The following LRFN5 variants were observed in gnomAD, a reference collection of about 807,000 sequenced individuals.
LRFN5 encodes leucine-rich repeat and fibronectin type-III domain-containing protein 5.
A neutral mutation model predicts 45.6 loss-of-function variants in LRFN5; 24 were observed. That is an observed-to-expected ratio of 0.53 (90% confidence interval 0.38 to 0.74). LRFN5 has a LOEUF of 0.74. Among genes scored for constraint, LRFN5 ranks in the 30% least tolerant of loss-of-function variants. The pLI is 0.00. For synonymous variants in LRFN5, 340 were observed against 313.8 expected (o/e 1.08, Z -0.88); for missense variants, 776 against 861.5 (o/e 0.90, Z 1.24).
intron 1 of LRFN5, among the ~76,000 whole-genome samples, chr14:41,728,641 T>C (rs1448843151): frequency 6.6e-6 from 1 of 152,192 alleles, no homozygotes; most frequent in East Asian, 1.9e-4. Flanking sequence ...CTTTCTCTCC[T>C]AATTCTTTAT....
At chr14:41,841,104 A>G (rs539373928) in intron 2 of LRFN5, among the ~76,000 whole-genome samples, 4 of 152,044 alleles carry the variant, frequency 2.6e-5, no homozygotes, top group East Asian at 3.9e-4. Context: ...TTCTTCTACA[A>G]TAGCAATCAT....
In LRFN5 at chr14:41,879,151, A is replaced by G. The variant is rs533145506; in HGVS notation, c.-20-7455A>G. 3.9e-5 allele frequency among the ~76,000 whole-genome samples: 6 copies of G among 152,252 alleles called. 2 individuals carry two copies. The highest frequency in any genetic ancestry group is 1.4e-4 in the African/African-American group (6 of 41,586). On this transcript the variant is annotated intron_variant, in intron 2 of 5. Transcript: ENST00000298119. ...TCTGTATATATGTTGCCTGATGATAAAAAGTAAATCAAGCTATGAAATAGG... is the reference window on the plus strand; with the variant it reads ...TCTGTATATATGTTGCCTGATGATAGAAAGTAAATCAAGCTATGAAATAGG...
chr14:41,873,261 A>G (rs949533691), intron 2 of LRFN5, among the ~76,000 whole-genome samples: 1 of 152,190 alleles, frequency 6.6e-6, no homozygotes, highest in Non-Finnish European at 1.5e-5. Context: ...CTCAAATCAC[A>G]GAAACACAAT....
chr14:41,631,914 T>A (rs913223878), intron 1 of LRFN5, among the ~76,000 whole-genome samples: 1 of 152,176 alleles, frequency 6.6e-6, no homozygotes, highest in African/African-American at 2.4e-5. Context: ...ATGAAAGAGA[T>A]GAGAAGCCAC....
chr14:41,887,295 A>T lies in LRFN5; in HGVS notation c.670A>T (p.Thr224Ser). The T allele has an allele frequency of 6.2e-7, 1 of 1,614,216 alleles. No individual in the cohort carries two copies. The highest frequency in any genetic ancestry group is 8.5e-7 in the Non-Finnish European group (1 of 1,180,040). ...PLFQRAQVLATSGIISPSTFA... is the reference protein window; with the variant it reads ...PLFQRAQVLASSGIISPSTFA... ...CTTTCAGCGAGCTCAGGTACTAGCA[A>T]CCTCAGGAATCATAAGCCCATCTAC... Residue 224 changes from threonine (T) to serine (S), a missense_variant, in exon 3 of 6, where the codon ACC becomes TCC. Thr to Ser is a moderately conservative substitution (Grantham distance 58). Around this residue, in one of 2 missense-constraint regions of LRFN5, gnomAD observed 311 missense variants for 405.1 expected, o/e 0.77. Coordinates refer to ENST00000298119, the MANE Select transcript of LRFN5 (RefSeq NM_152447.5). The surrounding 1 kb of genome is among the most constrained non-coding windows in gnomAD (Gnocchi z 4.8).
intron 2 of LRFN5, among the ~76,000 whole-genome samples, chr14:41,772,277 G>T (rs74045409): frequency 6.6e-6 from 1 of 152,142 alleles, no homozygotes; most frequent in Non-Finnish European, 1.5e-5. Context: ...TGGGGATTAC[G>T]TTGCAACATA....
chr14:41,659,662 C>G (rs1311896419), intron 1 of LRFN5, among the ~76,000 whole-genome samples: 1 of 152,130 alleles, frequency 6.6e-6, no homozygotes, highest in African/African-American at 2.4e-5. Context: ...ACTTACACTC[C>G]CACTAACAGT....
At chr14:41,853,038 TAG>T (rs908113411) in intron 2 of LRFN5, among the ~76,000 whole-genome samples, 1 of 152,036 alleles carries the variant, frequency 6.6e-6, no homozygotes, top group Non-Finnish European at 1.5e-5. Flanking sequence ...AACTTAGTCT[TAG>T]AAGAAAGACA....
At chr14:41,840,058 G>A (rs917631045) in intron 2 of LRFN5, among the ~76,000 whole-genome samples, 3 of 152,054 alleles carry the variant, frequency 2.0e-5, no homozygotes, top group East Asian at 1.9e-4. Flanking sequence ...TAATTTGGAT[G>A]TGTGCAATAA....
intron 1 of LRFN5, among the ~76,000 whole-genome samples, chr14:41,672,721 C>A (rs1452277363): frequency 6.6e-6 from 1 of 151,738 alleles, no homozygotes; most frequent in East Asian, 1.9e-4. Flanking sequence ...GGAATCCTTA[C>A]CCTGGGATTT....
At chr14:41,680,322 G>A (rs1881828995) in intron 1 of LRFN5, among the ~76,000 whole-genome samples, 1 of 152,198 alleles carries the variant, frequency 6.6e-6, no homozygotes, top group Non-Finnish European at 1.5e-5. Flanking sequence ...ACCCAGTGTT[G>A]TTATGGCTTC....
chr14:41,631,192 C>T lies in LRFN5; in HGVS notation c.-197+22630C>T, dbSNP rs569083418. Among the ~76,000 whole-genome samples, 12 of 152,308 alleles carry T rather than the reference C, an allele frequency of 7.9e-5. No homozygotes were observed. In the South Asian group the frequency reaches 2.5e-3, roughly 32 times the overall value. On this transcript the variant is annotated intron_variant, in intron 1 of 5. Transcript: ENST00000298119. ...GCTCTAATCTCAACTATTACTATTC[C>T]TCTGTTTACACTGTTCACAACAGTA...
intron 1 of LRFN5, chr14:41,733,601 A>C (rs897589110): frequency 1.2e-4 from 18 of 152,118 alleles, no homozygotes; most frequent in Admixed American, 9.8e-4. Flanking sequence ...GTAGGTCTCA[A>C]TCAGTAAGAA....
intron 1 of LRFN5, among the ~76,000 whole-genome samples, chr14:41,762,355 A>G (rs984920272): frequency 6.6e-6 from 1 of 152,150 alleles, no homozygotes; most frequent in Non-Finnish European, 1.5e-5. Flanking sequence ...ACATTAAGCA[A>G]TAAATGCTCT....
intron 1 of LRFN5, among the ~76,000 whole-genome samples, chr14:41,636,325 A>T (rs545278761): frequency 6.6e-6 from 1 of 152,296 alleles, no homozygotes; most frequent in South Asian, 2.1e-4. Flanking sequence ...AGAATTTAGC[A>T]ATTAGGAGTT....
intron 2 of LRFN5, among the ~76,000 whole-genome samples, chr14:41,778,007 T>G (rs1886350969): frequency 9.6e-6 from 1 of 103,994 alleles, no homozygotes; most frequent in Non-Finnish European, 2.0e-5. Flanking sequence ...TCCTTTTTTT[T>G]TGGTGGGGGG....
intron 1 of LRFN5, among the ~76,000 whole-genome samples, chr14:41,734,526 A>G (rs34337271): frequency 2.0e-3 from 295 of 149,188 alleles, no homozygotes; most frequent in Non-Finnish European, 3.6e-3. Flanking sequence ...TTTCCATTCT[A>G]TTGTTTTCAG....
chr14:41,783,673 T>G (rs993575218), intron 2 of LRFN5, among the ~76,000 whole-genome samples: 1 of 151,982 alleles, frequency 6.6e-6, no homozygotes, highest in African/African-American at 2.4e-5. Flanking sequence ...ACAGTACCTC[T>G]TTAAGACTTC....
chr14:41,762,938 T>C (rs1207750379), intron 1 of LRFN5, among the ~76,000 whole-genome samples: 1 of 152,180 alleles, frequency 6.6e-6, no homozygotes, highest in Non-Finnish European at 1.5e-5. Flanking sequence ...CTTTATTTTG[T>C]ACTATTAGGA....
Sources: gnomAD v4.1 joint callset for allele counts (sites outside exome capture counted in the v4.1 genomes callset) on GRCh38, gnomAD v4.1.1 for gene constraint, gnomAD v4.1.1 regional missense constraint, Gnocchi (gnomAD v3.1) non-coding constraint, MANE v1.5 for transcripts, NCBI Gene and HGNC (gene_info 2026-07-23, HGNC 2026-07-21) for gene names.